Variants in POLR1E observed in about 807,000 individuals in gnomAD.
POLR1E encodes RNA polymerase I subunit E.
POLR1E carries 37 observed loss-of-function variants against 50.9 expected under a neutral mutation model. The ratio of observed to expected loss-of-function variants is 0.73; its 90% CI spans 0.56 to 0.96. The LOEUF (loss-of-function observed/expected upper bound fraction) is 0.96. POLR1E is among the 40% of genes least tolerant of loss of function. The pLI, the probability that POLR1E is intolerant of heterozygous loss-of-function variation, is 0.00. For missense variants in POLR1E, 426 were observed against 518.1 expected (o/e 0.82, Z 1.73); for synonymous variants, 166 against 191.6 (o/e 0.87, Z 1.10).
In POLR1E at chr9:37,492,281, G is replaced by C; in HGVS notation, c.344-376G>C. The C allele has an allele frequency of 3.9e-6, 5 of 1,292,102 alleles. No homozygotes were observed. In the Middle Eastern group the frequency reaches 6.5e-4, roughly 167 times the overall value. 80.0% of individuals were successfully genotyped at this position (1,292,102 alleles called of 1,614,324 possible). On this transcript the variant is annotated intron_variant, in intron 4 of 11. Transcript: ENST00000377798. ...TACCTCATGTTTATGCCTGCTTTTA[G>C]GTCTTTCACCAAGAAAGCAAAATTA...
At position 37,492,709 on chromosome 9, in the gene POLR1E, A is replaced by T; in HGVS notation, c.396A>T (p.Arg132Ser). The change falls in exon 5 of 12, where the codon AGA becomes AGT. Residue 132 changes from arginine to serine, a missense_variant. Transcript: ENST00000377798. The part of the protein sequence containing the change: ...LALESQTKTY[R>S]EKMDSCIEAF... ...TAGAGAGTCAGACCAAAACTTACAG[A>T]GAAAAGGTGAGTGTGATAGAATTAA... 1 of 1,613,874 alleles carries T rather than the reference A, an allele frequency of 6.2e-7. No homozygotes were observed. Among genetic ancestry groups the T allele is most frequent in the Non-Finnish European group, 8.5e-7 (1 of 1,179,790 alleles).
rs565539867 is a variant in POLR1E, at chr9:37,501,687, C to T, written c.969-26C>T. On this transcript the variant is annotated intron_variant, in intron 10 of 11. Transcript: ENST00000377798. ...ATTGTCTGAGAGTTTAATTTTGTTT[C>T]TCCTTTATTGCCACTGATTTTCTAG... 180 of 1,600,014 alleles carry T rather than the reference C, an allele frequency of 1.1e-4. 1 individual carries two copies. The highest frequency in any genetic ancestry group is 7.8e-4 in the South Asian group (69 of 88,628).
intron 4 of POLR1E, 72 bp downstream of exon 4, chr9:37,489,472 T>C (rs1038357921): frequency 2.0e-6 from 2 of 1,017,858 alleles, no homozygotes; most frequent in African/African-American, 3.3e-5. Flanking sequence ...GGCTTGAGTT[T>C]TAGATTTATA....
chr9:37,491,437 A>AT (rs1317868204), intron 4 of POLR1E, among the ~76,000 whole-genome samples: 2 of 151,034 alleles, frequency 1.3e-5, no homozygotes, highest in African/African-American at 4.9e-5. Context: ...TATATATGGG[A>AT]TTTTTTTTAA....
At chr9:37,490,535 A>G (rs112020225) in intron 4 of POLR1E, 60 of 753,700 alleles carry the variant, frequency 8.0e-5, no homozygotes, top group African/African-American at 7.9e-4. Flanking sequence ...GAACCCAGGT[A>G]CCTTTCTCTT....
intron 9 of POLR1E, among the ~76,000 whole-genome samples, chr9:37,499,095 A>G (rs1175047376): frequency 6.6e-6 from 1 of 152,198 alleles, no homozygotes; most frequent in Non-Finnish European, 1.5e-5. Flanking sequence ...ATCTAAATAT[A>G]TCTAAACAGA....
intron 8 of POLR1E, among the ~76,000 whole-genome samples, chr9:37,497,377 A>AC (rs1214031373): frequency 2.6e-5 from 4 of 152,142 alleles, no homozygotes; most frequent in African/African-American, 9.7e-5. Context: ...AAACAAACAA[A>AC]AAAAGAAACT....
intron 4 of POLR1E, chr9:37,492,322 C>T (rs900736373): frequency 1.6e-4 from 214 of 1,306,912 alleles, no homozygotes; most frequent in Middle Eastern, 2.1e-4. Flanking sequence ...TGGAAAGAGC[C>T]AAGGACTTGT....
chr9:37,493,922 A>G (rs566410439), intron 6 of POLR1E, among the ~76,000 whole-genome samples: 3 of 152,328 alleles, frequency 2.0e-5, no homozygotes, highest in South Asian at 2.1e-4. Flanking sequence ...AGGGACAGGC[A>G]TGGAATGGAT....
At position 37,498,152 on chromosome 9, in the gene POLR1E, C is replaced by T. The variant is rs777394678; in HGVS notation, c.814C>T (p.Arg272Cys). ...GCCATCAGATGTGGAGAGCCGAGAC[C>T]GCCAGGCCCGATGCATATGGTTTCT... is the stretch of plus-strand genomic sequence containing the variant. ...SLPSDVESRDRQARCIWFLDT... is the reference protein window; with the variant it reads ...SLPSDVESRDCQARCIWFLDT... The change falls in exon 9 of 12, where the codon CGC (arginine) becomes TGC (cysteine). Residue 272 changes from arginine (R) to cysteine (C), a missense_variant. Transcript: ENST00000377798. 1.1e-5 allele frequency: 18 copies of T among 1,613,842 alleles called. No individual in the cohort carries two copies. Among genetic ancestry groups the T allele is most frequent in the African/African-American group, 2.7e-5 (2 of 74,876 alleles).
chr9:37,486,108 C>A lies in POLR1E; in HGVS notation c.61C>A (p.Gln21Lys), dbSNP rs779481595. Residue 21 changes from glutamine (Q) to lysine (K), a missense_variant, in exon 1 of 12, where the codon CAG becomes AAG. Coordinates refer to ENST00000377798, the MANE Select transcript of POLR1E (RefSeq NM_022490.4). ...WQYCGAPDGSQRAVLVQFSNG... is the reference protein window; with the variant it reads ...WQYCGAPDGSKRAVLVQFSNG... The stretch of plus-strand genomic sequence containing the variant: ...GTATTGTGGGGCGCCCGACGGGAGC[C>A]AGAGAGCTGTACTGGGTAAAGACTG... 1 of 1,599,656 alleles carries A rather than the reference C, an allele frequency of 6.3e-7. No homozygotes were observed. The highest frequency in any genetic ancestry group is 1.3e-5 in the African/African-American group (1 of 74,860).
intron 8 of POLR1E, 77 bp from the exon 9 acceptor site, chr9:37,498,014 C>A (rs891955550): frequency 6.6e-7 from 1 of 1,516,466 alleles, no homozygotes; most frequent in Admixed American, 2.1e-5. Flanking sequence ...CTGCTGTTCT[C>A]GTTGTAAGAG....
chr9:37,486,317 C>A, intron 1 of POLR1E, 194 bp downstream of exon 1: 2 of 1,312,504 alleles, frequency 1.5e-6, no homozygotes, highest in Non-Finnish European at 2.0e-6. Flanking sequence ...CAGATTGGGA[C>A]ATCCCACTCA....
chr9:37,486,894 A>G, intron 2 of POLR1E, 88 bp downstream of exon 2: 1 of 1,470,112 alleles, frequency 6.8e-7, no homozygotes, highest in African/African-American at 1.4e-5. Flanking sequence ...GTGAGGGGAG[A>G]AAAAGGGGAG....
At chr9:37,495,018 T>A in intron 6 of POLR1E, 151 bp from the exon 7 acceptor site, 3 of 647,746 alleles carry the variant, frequency 4.6e-6, no homozygotes. Context: ...CCTGAAGCAG[T>A]CAGCCTGATG....
At chr9:37,496,616 A>T (rs369492038) in intron 8 of POLR1E, among the ~76,000 whole-genome samples, 970 of 58,870 alleles carry the variant, frequency 0.016, 19 homozygotes, top group African/African-American at 0.082. Flanking sequence ...AATTATTATT[A>T]TTATTTCTTT....
intron 11 of POLR1E, among the ~76,000 whole-genome samples, chr9:37,502,702 G>T (rs1008245238): frequency 6.6e-6 from 1 of 152,198 alleles, no homozygotes; most frequent in Non-Finnish European, 1.5e-5. Context: ...AAGAGAACAG[G>T]TACTTGGAAC....
intron 4 of POLR1E, 21 bp downstream of exon 4, chr9:37,489,421 C>G (rs1820640320): frequency 1.3e-6 from 2 of 1,545,012 alleles, no homozygotes; most frequent in Non-Finnish European, 1.8e-6. Flanking sequence ...GTCATGAAAG[C>G]TGACAGAAAT....
At position 37,503,079 on chromosome 9, in the gene POLR1E, C is replaced by G. The variant is rs1486207852; in HGVS notation, c.1137C>G (p.Ile379Met). The change falls in exon 12 of 12, where the codon ATC (isoleucine) becomes ATG (methionine). Residue 379 changes from isoleucine (I) to methionine (M), a missense_variant. By Grantham distance (10) the Ile-to-Met change is conservative (BLOSUM62 1). Transcript: ENST00000377798. The stretch of plus-strand genomic sequence containing the variant: ...TAGCCAAAGCCATGAGGCTGAAGAT[C>G]TCCAAAAGAAGGGTGTCTGTGGCCG... ...MEIAKAMRLK[I>M]SKRRVSVAAG... is the part of the protein sequence containing the mutation. 15 of 1,613,738 alleles carry G rather than the reference C, an allele frequency of 9.3e-6. No individual in the cohort carries two copies. The highest frequency in any genetic ancestry group is 1.3e-5 in the Non-Finnish European group (15 of 1,179,910).
Sources: gnomAD v4.1 joint callset for allele counts (sites outside exome capture counted in the v4.1 genomes callset) on GRCh38, gnomAD v4.1.1 for gene constraint, MANE v1.5 for transcripts, NCBI Gene and HGNC (gene_info 2026-07-23, HGNC 2026-07-21) for gene names.